SPTBN5: variants seen among roughly 807,000 people sequenced by gnomAD.
SPTBN5 encodes the protein spectrin beta, non-erythrocytic 5, also known as spectrin beta chain, non-erythrocytic 5.
SPTBN5 carries 513 observed loss-of-function variants against 477.6 expected under a neutral mutation model. The ratio of observed to expected loss-of-function variants is 1.07; its 90% confidence interval spans 1.00 to 1.16. The LOEUF (loss-of-function observed/expected upper bound fraction) is 1.16. Among genes scored for constraint, SPTBN5 ranks in the 50% most tolerant of loss-of-function variants. SPTBN5 has a pLI of 0.00. For synonymous variants in SPTBN5, 2,169 were observed against 2,011.7 expected, an observed-to-expected ratio of 1.08 and a Z score of -2.09; for missense variants, 5,062 against 4,731.8, an observed-to-expected ratio of 1.07 and a Z score of -2.05.
chr15:41,868,402 T>TATG lies in SPTBN5; in HGVS notation c.6052_6053insCAT (p.Lys2018delinsThrTer). On this transcript the variant is annotated stop_gained and protein_altering_variant, in exon 33 of 68. Transcript: ENST00000320955. LOFTEE classifies it high-confidence loss of function. ...GCACCAGGGGAGGGGGCCCACCTCC[T>TATG]TGGTGGGTGTCCCTGCAGCAAGAAG... 2 of 1,601,202 alleles carry TATG rather than the reference T, an allele frequency of 1.2e-6. No homozygotes were observed. Among genetic ancestry groups the TATG allele is most frequent in the Non-Finnish European group, 1.7e-6 (2 of 1,172,670 alleles).
intron 25 of SPTBN5, 72 bp downstream of exon 25, chr15:41,873,773 A>G (rs2066620551): frequency 1.3e-6 from 2 of 1,569,432 alleles, no homozygotes; most frequent in Non-Finnish European, 1.7e-6. Flanking sequence ...CCTCCCTGAG[A>G]GTCCCACAGG....
chr15:41,882,436 C>T lies in SPTBN5; in HGVS notation c.2080G>A (p.Val694Met). The T allele has an allele frequency of 6.5e-7, 1 of 1,550,270 alleles. No homozygotes were observed. The highest frequency in any genetic ancestry group is 8.7e-7 in the Non-Finnish European group (1 of 1,154,672). ...LEAEVHRHQA[V>M]CVDLVRRGRD... ...CCCCTCCGCACGAGATCTACGCACA[C>T]GGCCTGGTGGCGGTGGACCTCAGCT... is the stretch of plus-strand genomic sequence containing the variant. The change falls in exon 11 of 68, where the codon GTG (valine) becomes ATG (methionine). Residue 694 changes from valine (V) to methionine (M), a missense_variant. Coordinates refer to ENST00000320955, the MANE Select transcript of SPTBN5 (RefSeq NM_016642.4).
At chr15:41,874,522 A>G (rs2066655618) in intron 23 of SPTBN5, 44 bp from the exon 24 acceptor site, 1 of 1,482,520 alleles carries the variant, frequency 6.7e-7, no homozygotes, top group African/African-American at 1.4e-5. Flanking sequence ...GAACAGAGTG[A>G]GCACAAGGCT....
Position 41,870,287 on chromosome 15 carries a change from T to A in SPTBN5, c.5629A>T (p.Ser1877Cys). Residue 1877 changes from serine to cysteine, a missense_variant, in exon 31 of 68, where the codon AGC becomes TGC. Transcript: ENST00000320955. ...AGTTCTCGCTCCAGCCCCTGGTGGC[T>A]TCTCAGCTGCGCCTCCAGCCCACAC... ...DLCGLEAQLR[S>C]HQGLERELVG... 6.4e-7 allele frequency: 1 copy of A among 1,555,310 alleles called. No individual in the cohort carries two copies.
chr15:41,872,061 G>A, intron 27 of SPTBN5, 144 bp from the exon 28 acceptor site: 1 of 1,170,012 alleles, frequency 8.5e-7, no homozygotes, highest in Admixed American at 2.9e-5. Flanking sequence ...GGGAGTAGTA[G>A]ACACAGCAGT....
Position 41,893,506 on chromosome 15 carries a change from C to T in SPTBN5, c.-9G>A. 2 of 1,563,920 alleles carry T rather than the reference C, an allele frequency of 1.3e-6. No individual in the cohort carries two copies. The highest frequency in any genetic ancestry group is 1.7e-6 in the Non-Finnish European group (2 of 1,159,524). ...TGGGGCTGACCAGCCATCAGCCCTG[C>T]AGACTTTGGGGATGAGGAGCTGCTG... On this transcript the variant is annotated 5_prime_UTR_variant, in exon 2 of 68. Coordinates refer to ENST00000320955, the MANE Select transcript of SPTBN5 (RefSeq NM_016642.4).
rs1567210746 is a variant in SPTBN5, at chr15:41,872,336, G to A, written c.5131C>T (p.Gln1711Ter). ...GCCAACTCCTGCAGTGCCCGCAGCTGCTCCCGGAGCCTCTCCTGCACCACA... is the reference window on the plus strand; with the variant it reads ...GCCAACTCCTGCAGTGCCCGCAGCTACTCCCGGAGCCTCTCCTGCACCACA... ...QRVVQERLRE[Q>*]LRALQELAAT... Residue 1711 changes from glutamine (Q) to a stop codon, truncating the protein, a stop_gained, in exon 27 of 68, where the codon CAG becomes TAG. Coordinates refer to ENST00000320955, the MANE Select transcript of SPTBN5 (RefSeq NM_016642.4). LOFTEE classifies it high-confidence loss of function. The A allele has an allele frequency of 6.2e-7, 1 of 1,611,178 alleles. No homozygotes were observed. Among genetic ancestry groups the A allele is most frequent in the Non-Finnish European group, 8.5e-7 (1 of 1,179,746 alleles).
chr15:41,852,466 TCA>T, intron 61 of SPTBN5, 150 bp from the exon 62 acceptor site: 1 of 1,344,660 alleles, frequency 7.4e-7, no homozygotes, highest in Non-Finnish European at 1.0e-6. Flanking sequence ...CTCTGGAGGC[TCA>T]CACCCAGTCC....
chr15:41,858,734 C>A lies in SPTBN5; in HGVS notation c.8094G>T (p.Leu2698=). The part of the protein sequence containing the change: ...LQDSQEVAAW[L]REKNLVALEE... Reference sequence around the variant, plus strand: ...CCAAGGCCACCAGGTTCTTCTCCCTCAGCCACGCAGCCACCTGGGCACATG... The same window carrying A: ...CCAAGGCCACCAGGTTCTTCTCCCTAAGCCACGCAGCCACCTGGGCACATG... The change falls in exon 49 of 68, where the codon CTG becomes CTT. Residue 2698 remains leucine (L), a synonymous_variant. Transcript: ENST00000320955. The A allele has an allele frequency of 6.2e-7, 1 of 1,609,352 alleles. No individual in the cohort carries two copies. The highest frequency in any genetic ancestry group is 1.7e-5 in the Admixed American group (1 of 59,586).
chr15:41,880,303 C>A lies in SPTBN5; in HGVS notation c.2668G>T (p.Ala890Ser), dbSNP rs1343535645. 3 of 1,602,346 alleles carry A rather than the reference C, an allele frequency of 1.9e-6. No individual in the cohort carries two copies. Among genetic ancestry groups the A allele is most frequent in the Non-Finnish European group, 2.6e-6 (3 of 1,175,394 alleles). The change falls in exon 14 of 68, where the codon GCC (alanine) becomes TCC (serine). Residue 890 changes from alanine to serine, a missense_variant. Transcript: ENST00000320955. Reference protein sequence around the residue: ...SLRALAQLRRARLEEAMALFG... With the variant: ...SLRALAQLRRSRLEEAMALFG... ...AGGGCCATGGCCTCCTCCAACCGGG[C>A]CCTGCGGAGCTGGGGAGAGGTGGCC...
At position 41,857,635 on chromosome 15, in the gene SPTBN5, G is replaced by A; in HGVS notation, c.8302C>T (p.Leu2768Phe). ...GAGTTGTCTTGCAGCTCACCCCAGA[G>A]TGCTCCCAGCTCCTCCAGTCGCTCC... Reference protein sequence around the residue: ...IQERLEELGALWGELQDNSQK... With the variant: ...IQERLEELGAFWGELQDNSQK... The change falls in exon 50 of 68, where the codon CTC becomes TTC. Residue 2768 changes from leucine to phenylalanine, a missense_variant. By Grantham distance (22) the Leu-to-Phe change is conservative. Transcript: ENST00000320955. The A allele has an allele frequency of 6.2e-7, 1 of 1,601,250 alleles. No individual in the cohort carries two copies. Among genetic ancestry groups the A allele is most frequent in the Non-Finnish European group, 8.5e-7 (1 of 1,174,052 alleles).
At chr15:41,870,186 G>A in intron 31 of SPTBN5, 57 bp downstream of exon 31, 1 of 1,516,316 alleles carries the variant, frequency 6.6e-7, no homozygotes. Context: ...GGAACAGGCA[G>A]GCCAGCCTGA....
rs368044329 is a variant in SPTBN5, at chr15:41,851,273, C to A, written c.10743+10G>T. 1 of 1,551,444 alleles carries A rather than the reference C, an allele frequency of 6.4e-7. No individual in the cohort carries two copies. Among genetic ancestry groups the A allele is most frequent in the East Asian group, 2.4e-5 (1 of 40,934 alleles). On this transcript the variant is annotated intron_variant, in intron 64 of 67. Coordinates refer to ENST00000320955, the MANE Select transcript of SPTBN5 (RefSeq NM_016642.4). ...CCTGATGTCTGCATCTCCCCTACCC[C>A]GCCTGGTACCTCCGCTGCCATCCTC...
Position 41,882,165 on chromosome 15 carries a change from G to C in SPTBN5, c.2248-20C>G. Reference sequence around the variant, plus strand: ...GAAGTACTGTGGGAGGGGGTCGGGGGTGGTGTGGGTGAAGGGGCGCGGCTG... The same window carrying C: ...GAAGTACTGTGGGAGGGGGTCGGGGCTGGTGTGGGTGAAGGGGCGCGGCTG... On this transcript the variant is annotated intron_variant, in intron 11 of 67. Coordinates refer to ENST00000320955, the MANE Select transcript of SPTBN5 (RefSeq NM_016642.4). 1.3e-6 allele frequency: 2 copies of C among 1,551,432 alleles called. No homozygotes were observed. Among genetic ancestry groups the C allele is most frequent in the Non-Finnish European group, 1.7e-6 (2 of 1,158,468 alleles).
chr15:41,857,909 A>G (rs1595451156), intron 49 of SPTBN5, among the ~76,000 whole-genome samples, 199 bp from the exon 50 acceptor site: 1 of 152,238 alleles, frequency 6.6e-6, no homozygotes, highest in East Asian at 1.9e-4. Flanking sequence ...TTTAAATGAG[A>G]TAAGTCATAT....
chr15:41,884,620 T>G (rs2140964250), intron 7 of SPTBN5, among the ~76,000 whole-genome samples: 1 of 152,284 alleles, frequency 6.6e-6, no homozygotes, highest in East Asian at 1.9e-4. Flanking sequence ...GACATCCAGG[T>G]GAGCATCGCA....
At position 41,887,489 on chromosome 15, in the gene SPTBN5, T is replaced by C. The variant is rs1187394661; in HGVS notation, c.660-48A>G. On this transcript the variant is annotated intron_variant, in intron 5 of 67. Transcript: ENST00000320955. Reference sequence around the variant, plus strand: ...TCTTCACCAGCAGGAACCTACTGCTTTCCTTTAAGTAGATTCTTAAATGCA... The same window carrying C: ...TCTTCACCAGCAGGAACCTACTGCTCTCCTTTAAGTAGATTCTTAAATGCA... 5.8e-6 allele frequency: 8 copies of C among 1,388,378 alleles called. No homozygotes were observed. The South Asian group carries it at 9.9e-5, about 17-fold the overall frequency. 86.0% of individuals were successfully genotyped at this position (1,388,378 alleles called of 1,614,324 possible).
At chr15:41,870,212 C>T in intron 31 of SPTBN5, 31 bp downstream of exon 31, 1 of 1,539,698 alleles carries the variant, frequency 6.5e-7, no homozygotes, top group Non-Finnish European at 8.8e-7. Context: ...CTGCAGGGGC[C>T]TGGGTCGGAG....
rs376067201 is a variant in SPTBN5, at chr15:41,858,633, G to A, written c.8195C>T (p.Ala2732Val). The change falls in exon 49 of 68, where the codon GCG becomes GTG. Residue 2732 changes from alanine (A) to valine (V), a missense_variant. Coordinates refer to ENST00000320955, the MANE Select transcript of SPTBN5 (RefSeq NM_016642.4). ...CAGCTCCTGCTGTTGGTGCATGCTC[G>A]CGTCCAGCTCCGCCTGGAAATTCTG... ...KQQNFQAELD[A>V]SMHQQQELQR... is the part of the protein sequence containing the mutation. 2.5e-5 allele frequency: 41 copies of A among 1,611,338 alleles called. No homozygotes were observed. The highest frequency in any genetic ancestry group is 1.1e-4 in the South Asian group (10 of 90,652).
Sources: allele counts gnomAD v4.1 joint callset (sites outside exome capture counted in the v4.1 genomes callset), GRCh38; gene constraint gnomAD v4.1.1; transcripts MANE v1.5; gene names NCBI Gene and HGNC (gene_info 2026-07-23, HGNC 2026-07-21).